Variants in EZH2 observed in about 807,000 individuals in gnomAD.
EZH2 encodes the protein enhancer of zeste 2 polycomb repressive complex 2 subunit.
A neutral mutation model predicts 98.4 loss-of-function variants in EZH2; 18 were observed. That is an observed-to-expected ratio of 0.18 (90% CI 0.13 to 0.27). The LOEUF is 0.27. Among genes scored for constraint, EZH2 ranks in the 10% least tolerant of loss-of-function variants. The pLI, the probability that EZH2 is intolerant of heterozygous loss-of-function variation, is 1.00. For missense variants in EZH2, 470 were observed against 935.1 expected, an observed-to-expected ratio of 0.50 and a Z score of 6.49; for synonymous variants, 338 against 312.3, an observed-to-expected ratio of 1.08 and a Z score of -0.87.
chr7:148,860,600 TTA>T, intron 1 of EZH2, among the ~76,000 whole-genome samples: 1 of 152,228 alleles, frequency 6.6e-6, no homozygotes, highest in Admixed American at 6.5e-5. Flanking sequence ...CCTGTTTAGT[TTA>T]TATGTGTTAT....
chr7:148,884,245 TTC>T lies in EZH2; in HGVS notation c.-91_-90del, dbSNP rs1273478866. Reference sequence around the variant, plus strand: ...CCGCCGCCGCCGGGGCTCCACTGCCTTCTGAGTCCCACCGGGTGTCGGACGCG... The same window carrying T: ...CCGCCGCCGCCGGGGCTCCACTGCCTTGAGTCCCACCGGGTGTCGGACGCG... On this transcript the variant is annotated 5_prime_UTR_variant, in exon 1 of 20. Transcript: ENST00000320356. 1 of 178,098 alleles carries T rather than the reference TTC, an allele frequency of 5.6e-6. No homozygotes were observed. Among genetic ancestry groups the T allele is most frequent in the African/African-American group, 2.4e-5 (1 of 42,006 alleles). 11.0% of individuals were successfully genotyped at this position (178,098 alleles called of 1,614,324 possible). A position where few individuals can be genotyped will look rare whatever the true frequency, so the allele number is the denominator to read the frequency against.
chr7:148,834,861 T>C (rs1341012507), intron 3 of EZH2, among the ~76,000 whole-genome samples: 1 of 152,202 alleles, frequency 6.6e-6, no homozygotes, highest in African/African-American at 2.4e-5. Context: ...TAAGTGCTTG[T>C]ATATATTATC....
intron 1 of EZH2, among the ~76,000 whole-genome samples, chr7:148,856,900 G>C (rs1816911512): frequency 6.6e-6 from 1 of 152,212 alleles, no homozygotes; most frequent in South Asian, 2.1e-4. Flanking sequence ...CATTCTGGGA[G>C]GGAGAATTCA....
At chr7:148,819,156 A>G (rs527647346) in intron 9 of EZH2, 1 of 416,670 alleles carries the variant, frequency 2.4e-6, no homozygotes, top group South Asian at 1.8e-5. Flanking sequence ...GTTCTCCATC[A>G]TTTAAAAAAA....
chr7:148,831,919 A>G (rs904358419), intron 4 of EZH2, among the ~76,000 whole-genome samples: 3 of 152,312 alleles, frequency 2.0e-5, no homozygotes, highest in East Asian at 3.9e-4. Context: ...CAATGGAACT[A>G]TGTTTCAGCT....
At chr7:148,875,234 G>A (rs1269355041) in intron 1 of EZH2, among the ~76,000 whole-genome samples, 3 of 152,138 alleles carry the variant, frequency 2.0e-5, no homozygotes, top group African/African-American at 7.2e-5. Flanking sequence ...AATGACTCGT[G>A]AATTAAGGAC....
intron 8 of EZH2, among the ~76,000 whole-genome samples, chr7:148,824,018 A>C (rs565524827): frequency 6.6e-6 from 1 of 152,308 alleles, no homozygotes; most frequent in South Asian, 2.1e-4. Context: ...AAAATGCTAT[A>C]TTCAACATAA....
chr7:148,860,335 A>G (rs1016407184), intron 1 of EZH2, among the ~76,000 whole-genome samples: 7 of 150,690 alleles, frequency 4.6e-5, no homozygotes, highest in East Asian at 1.9e-4. Flanking sequence ...CATAGAAGAA[A>G]AAAAAAAAAA....
In EZH2 at chr7:148,810,314, T is replaced by C; in HGVS notation, c.2029+19A>G. ...ACATGCAACTCAGGAACTCACTGCCTCCCAGCTCTGAAACATACCATTGTT... is the reference window on the plus strand; with the variant it reads ...ACATGCAACTCAGGAACTCACTGCCCCCCAGCTCTGAAACATACCATTGTT... On this transcript the variant is annotated intron_variant, in intron 17 of 19. Coordinates refer to ENST00000320356, the MANE Select transcript of EZH2 (RefSeq NM_004456.5). 5 of 1,585,402 alleles carry C rather than the reference T, an allele frequency of 3.2e-6. No individual in the cohort carries two copies. Among genetic ancestry groups the C allele is most frequent in the Non-Finnish European group, 4.3e-6 (5 of 1,155,998 alleles).
At chr7:148,838,691 A>C (rs1811549399) in intron 3 of EZH2, among the ~76,000 whole-genome samples, 1 of 152,316 alleles carries the variant, frequency 6.6e-6, no homozygotes, top group East Asian at 1.9e-4. Flanking sequence ...TGTGGCAGTA[A>C]AATTGTTTTG....
In EZH2 at chr7:148,818,243, A is replaced by C. The variant is rs188745968; in HGVS notation, c.1000-126T>G. 64 of 1,003,802 alleles carry C rather than the reference A, an allele frequency of 6.4e-5. No homozygotes were observed. In the African/African-American group the frequency reaches 7.1e-4, roughly 11 times the overall value. 62.2% of individuals were successfully genotyped at this position (1,003,802 alleles called of 1,614,324 possible). A position where few individuals can be genotyped will look rare whatever the true frequency, so the allele number is the denominator to read the frequency against. ...ATCACATTATCCATTTATCACAAAT[A>C]ATCATTTGCATGTCTAATATACTTG... On this transcript the variant is annotated intron_variant, in intron 9 of 19. Transcript: ENST00000320356.
chr7:148,843,721 C>A (rs982951878), intron 3 of EZH2, among the ~76,000 whole-genome samples: 1 of 149,294 alleles, frequency 6.7e-6, no homozygotes, highest in African/African-American at 2.5e-5. Context: ...TCAGCCTCCC[C>A]AGTAGCTGGG....
At chr7:148,828,447 C>A (rs1369443868) in intron 6 of EZH2, among the ~76,000 whole-genome samples, 1 of 152,068 alleles carries the variant, frequency 6.6e-6, no homozygotes, top group African/African-American at 2.4e-5. Context: ...AAGCAATCAC[C>A]CTGTCTCATT....
intron 11 of EZH2, 97 bp downstream of exon 11, chr7:148,817,125 T>C: frequency 8.6e-7 from 1 of 1,166,398 alleles, no homozygotes; most frequent in Admixed American, 2.9e-5. Flanking sequence ...GAATAGGAGC[T>C]TAGTAATAAC....
At chr7:148,862,581 C>T (rs1198858313) in intron 1 of EZH2, among the ~76,000 whole-genome samples, 1 of 152,110 alleles carries the variant, frequency 6.6e-6, no homozygotes, top group Non-Finnish European at 1.5e-5. Context: ...GTTTGTCAGA[C>T]CCTCTTTTAA....
Sources: allele counts gnomAD v4.1 joint callset (sites outside exome capture counted in the v4.1 genomes callset), GRCh38; gene constraint gnomAD v4.1.1; transcripts MANE v1.5; gene names NCBI Gene and HGNC (gene_info 2026-07-23, HGNC 2026-07-21).